The following NPAS3 variants were observed in gnomAD, a reference collection of about 807,000 sequenced individuals.
The protein encoded by NPAS3 is neuronal PAS domain protein 3, also known as neuronal PAS domain-containing protein 3.
Under a neutral mutation model 73.1 loss-of-function variants are expected in NPAS3, and 14 were observed. The ratio of observed to expected loss-of-function variants is 0.19; its 90% CI spans 0.13 to 0.30. The LOEUF (loss-of-function observed/expected upper bound fraction) is 0.30. Among genes scored for constraint, NPAS3 ranks in the 10% least tolerant of loss-of-function variants. The probability of loss-of-function intolerance (pLI) is 1.00; values close to 1 mark genes in which losing one functional copy is unlikely to be tolerated. For missense variants in NPAS3, 1,096 were observed against 1,250.0 expected, an observed-to-expected ratio of 0.88 and a Z score of 1.86; for synonymous variants, 620 against 541.5, an observed-to-expected ratio of 1.14 and a Z score of -2.01.
In NPAS3 at chr14:32,955,233, A is replaced by G. The variant is rs985656084; in HGVS notation, c.50+15867A>G. Reference sequence around the variant, plus strand: ...TTTCTAGTCTTCTAGCTCAAGGTCTATCTCAATAGGATATAACAATATATA... The same window carrying G: ...TTTCTAGTCTTCTAGCTCAAGGTCTGTCTCAATAGGATATAACAATATATA... On this transcript the variant is annotated intron_variant, in intron 1 of 11. Transcript: ENST00000356141. 3.3e-5 allele frequency among the ~76,000 whole-genome samples: 5 copies of G among 152,088 alleles called. No homozygotes were observed. In the South Asian group the frequency reaches 6.2e-4, roughly 19 times the overall value.
intron 6 of NPAS3, among the ~76,000 whole-genome samples, chr14:33,684,316 T>TTTA (rs1019455276): frequency 1.3e-5 from 2 of 152,142 alleles, no homozygotes; most frequent in Non-Finnish European, 2.9e-5. Context: ...TTCTTTTCTT[T>TTTA]TTATTTTTTT....
chr14:33,746,914 T>G, intron 7 of NPAS3, among the ~76,000 whole-genome samples: 1 of 131,470 alleles, frequency 7.6e-6, no homozygotes, highest in African/African-American at 3.2e-5. Flanking sequence ...CCCACCACAG[T>G]CCCCAGAGTG....
chr14:33,025,403 C>T (rs1055635068), intron 1 of NPAS3, among the ~76,000 whole-genome samples: 2 of 152,174 alleles, frequency 1.3e-5, no homozygotes, highest in Non-Finnish European at 2.9e-5. Flanking sequence ...CAGTAGGTAT[C>T]AGTATTAGTT....
intron 3 of NPAS3, among the ~76,000 whole-genome samples, chr14:33,324,799 T>C (rs1251557415): frequency 1.3e-5 from 2 of 152,192 alleles, no homozygotes; most frequent in Non-Finnish European, 2.9e-5. Context: ...TGTGTGTGTG[T>C]GCTTGTTACC....
chr14:33,052,481 A>G (rs1282826760), intron 1 of NPAS3, among the ~76,000 whole-genome samples: 3 of 152,230 alleles, frequency 2.0e-5, no homozygotes, highest in Non-Finnish European at 4.4e-5. Context: ...TCTTAAAACA[A>G]TACATTAAGA....
intron 1 of NPAS3, among the ~76,000 whole-genome samples, chr14:33,046,059 GA>G (rs1482827582): frequency 6.6e-6 from 1 of 152,114 alleles, no homozygotes; most frequent in Non-Finnish European, 1.5e-5. Flanking sequence ...ATTTATTAGG[GA>G]AAAAATTGGT....
At chr14:33,284,882 C>T (rs2041810697) in intron 3 of NPAS3, among the ~76,000 whole-genome samples, 1 of 151,884 alleles carries the variant, frequency 6.6e-6, no homozygotes, top group African/African-American at 2.4e-5. Context: ...TGAAGCCAAC[C>T]CTTATAGAGG....
At chr14:33,520,411 T>C (rs765336730) in intron 4 of NPAS3, among the ~76,000 whole-genome samples, 5 of 152,114 alleles carry the variant, frequency 3.3e-5, no homozygotes, top group Non-Finnish European at 7.4e-5. Context: ...GGGAGGTTTG[T>C]TTTCTTTTTT....
At chr14:33,517,325 T>C (rs1158656111) in intron 4 of NPAS3, among the ~76,000 whole-genome samples, 2 of 152,100 alleles carry the variant, frequency 1.3e-5, no homozygotes, top group African/African-American at 4.8e-5. Context: ...CTACACCCTA[T>C]TCACCAAAAA....
intron 5 of NPAS3, among the ~76,000 whole-genome samples, chr14:33,623,524 A>C (rs1390286911): frequency 6.6e-6 from 1 of 152,178 alleles, no homozygotes; most frequent in Non-Finnish European, 1.5e-5. Flanking sequence ...TTGCGTGTCT[A>C]CTGCAGCCAC....
intron 1 of NPAS3, among the ~76,000 whole-genome samples, chr14:33,053,943 A>G (rs183794729): frequency 1.3e-5 from 2 of 152,206 alleles, no homozygotes; most frequent in African/African-American, 4.8e-5. Context: ...TTAGAGCAAA[A>G]TATAAGAAAT....
chr14:33,373,696 C>T (rs1445185634), intron 4 of NPAS3, among the ~76,000 whole-genome samples: 2 of 152,036 alleles, frequency 1.3e-5, no homozygotes, highest in South Asian at 2.1e-4. Flanking sequence ...TTTGCTTGGC[C>T]ATATTAGGTA....
At chr14:33,348,183 T>G (rs577281354) in intron 3 of NPAS3, among the ~76,000 whole-genome samples, 1 of 152,244 alleles carries the variant, frequency 6.6e-6, no homozygotes, top group African/African-American at 2.4e-5. Flanking sequence ...TTGCCCCATA[T>G]CCCATGGTTG....
chr14:33,290,774 A>G (rs1329725111), intron 3 of NPAS3, among the ~76,000 whole-genome samples: 1 of 152,236 alleles, frequency 6.6e-6, no homozygotes, highest in African/African-American at 2.4e-5. Flanking sequence ...CAGAGCTCAG[A>G]GAATGATTTT....
intron 2 of NPAS3, among the ~76,000 whole-genome samples, chr14:33,147,645 C>T (rs1443053344): frequency 6.6e-6 from 1 of 150,404 alleles, no homozygotes; most frequent in Non-Finnish European, 1.5e-5. Context: ...TTAATGGGTG[C>T]AGCACACCAA....
At chr14:33,307,320 T>C (rs1383315302) in intron 3 of NPAS3, among the ~76,000 whole-genome samples, 1 of 152,198 alleles carries the variant, frequency 6.6e-6, no homozygotes, top group African/African-American at 2.4e-5. Flanking sequence ...CTGATACTAA[T>C]AAGTAAAATA....
chr14:33,195,604 T>C (rs2046324372), intron 2 of NPAS3, among the ~76,000 whole-genome samples: 2 of 152,208 alleles, frequency 1.3e-5, no homozygotes, highest in African/African-American at 4.8e-5. Flanking sequence ...AAAACAGAGC[T>C]GTAACCTTTG....
At chr14:33,322,352 G>C (rs1458922406) in intron 3 of NPAS3, among the ~76,000 whole-genome samples, 1 of 152,132 alleles carries the variant, frequency 6.6e-6, no homozygotes. Context: ...AGGTTTAATT[G>C]TATTTTTTAA....
intron 6 of NPAS3, among the ~76,000 whole-genome samples, chr14:33,678,969 A>ATATC (rs911923888): frequency 3.9e-5 from 6 of 152,192 alleles, no homozygotes; most frequent in African/African-American, 1.2e-4. Context: ...AGGAGAATAT[A>ATATC]TATCTCCTTC....
Sources: gnomAD v4.1 joint callset for allele counts (sites outside exome capture counted in the v4.1 genomes callset) on GRCh38, gnomAD v4.1.1 for gene constraint, MANE v1.5 for transcripts, NCBI Gene and HGNC (gene_info 2026-07-23, HGNC 2026-07-21) for gene names.